The following CASD1 variants were observed in gnomAD, a reference collection of about 807,000 sequenced individuals.
The protein encoded by CASD1 is N-acetylneuraminate (7)9-O-acetyltransferase.
Under a neutral mutation model 100.0 loss-of-function variants are expected in CASD1, and 41 were observed. The observed-to-expected ratio is 0.41, with a 90% confidence interval of 0.32 to 0.53. CASD1 has a LOEUF of 0.53. Ranked by LOEUF, CASD1 falls within the 20% of genes least tolerant of loss-of-function variation. The pLI is 0.25. For synonymous variants in CASD1, 321 were observed against 315.6 expected, an observed-to-expected ratio of 1.02 and a Z score of -0.18; for missense variants, 774 against 948.7, an observed-to-expected ratio of 0.82 and a Z score of 2.42.
At chr7:94,571,373 A>G in the CASD1 span, among the ~76,000 whole-genome samples, 3 of 152,198 alleles carry the variant, frequency 2.0e-5, no homozygotes, top group Non-Finnish European at 1.5e-5. Context: ...TTTGAAGGAC[A>G]GTTTTGCCAG....
At chr7:94,532,521 TTATC>T (rs1794900278) in intron 5 of CASD1, among the ~76,000 whole-genome samples, 1 of 152,144 alleles carries the variant, frequency 6.6e-6, no homozygotes, top group Non-Finnish European at 1.5e-5. Flanking sequence ...GCATGAGACT[TTATC>T]ATGTTACTCA....
the CASD1 span, among the ~76,000 whole-genome samples, chr7:94,630,416 T>C: frequency 6.6e-6 from 1 of 151,872 alleles, no homozygotes; most frequent in African/African-American, 2.4e-5. Context: ...CTCGCATCTC[T>C]TGTAGAAATG....
chr7:94,602,995 A>G, the CASD1 span, among the ~76,000 whole-genome samples: 1 of 152,206 alleles, frequency 6.6e-6, no homozygotes, highest in Non-Finnish European at 1.5e-5. Context: ...TACTAACTCC[A>G]CTATCTGTGC....
At chr7:94,620,903 C>G in the CASD1 span, 72 of 152,362 alleles carry the variant, frequency 4.7e-4, no homozygotes, top group African/African-American at 1.7e-3. Flanking sequence ...CTTTCTAACT[C>G]TGGGGAAATC....
intron 16 of CASD1, chr7:94,554,101 G>A (rs1482357861): frequency 6.4e-6 from 1 of 155,518 alleles, no homozygotes; most frequent in African/African-American, 2.4e-5. Context: ...GGGAATGACT[G>A]TCAACCAAGC....
the CASD1 span, among the ~76,000 whole-genome samples, chr7:94,614,244 T>C: frequency 9.2e-5 from 14 of 152,158 alleles, no homozygotes; most frequent in Non-Finnish European, 1.8e-4. Flanking sequence ...TGTGTTCATG[T>C]TCCTCTTGTT....
chr7:94,623,072 G>C, the CASD1 span, among the ~76,000 whole-genome samples: 1 of 152,042 alleles, frequency 6.6e-6, no homozygotes, highest in African/African-American at 2.4e-5. Context: ...CCCATTTTAA[G>C]GTAATGAAAA....
rs114837109 is a variant in CASD1 at position 94,522,231 on chromosome 7, T to C, written c.351+3908T>C. Among the ~76,000 whole-genome samples the C allele has an allele frequency of 3.0e-3, 453 of 152,158 alleles. 3 individuals are homozygous for C. Among genetic ancestry groups the C allele is most frequent in the African/African-American group, 0.01 (422 of 41,516 alleles). On this transcript the variant is annotated intron_variant, in intron 3 of 17. Coordinates refer to ENST00000297273, the MANE Select transcript of CASD1 (RefSeq NM_022900.5). ...AGACATATTTAAAATAAGAAGGACATGGAAAGGTTTTAATTAAAAATGAAA... is the reference window on the plus strand; with the variant it reads ...AGACATATTTAAAATAAGAAGGACACGGAAAGGTTTTAATTAAAAATGAAA...
At chr7:94,514,885 C>G (rs191579509) in intron 1 of CASD1, among the ~76,000 whole-genome samples, 1 of 152,056 alleles carries the variant, frequency 6.6e-6, no homozygotes. Flanking sequence ...TTGAAAATAA[C>G]AACCGAAGTT....
intron 2 of CASD1, 113 bp from the exon 3 acceptor site, chr7:94,518,090 A>G (rs1272060601): frequency 5.8e-6 from 6 of 1,041,036 alleles, no homozygotes; most frequent in African/African-American, 1.6e-5. Flanking sequence ...TTATAAAGCA[A>G]TATAATGGTA....
intron 10 of CASD1, among the ~76,000 whole-genome samples, chr7:94,541,537 GTTTTTTTTTTTT>G (rs56786123): frequency 6.7e-5 from 4 of 60,116 alleles, no homozygotes; most frequent in East Asian, 1.1e-3. Context: ...TGTTCCACTG[GTTTTTTTTTTTT>G]TTTTTTTTTT....
chr7:94,628,407 A>G, the CASD1 span: 2 of 1,488,830 alleles, frequency 1.3e-6, no homozygotes, highest in East Asian at 2.3e-5. Context: ...ATTTTCACAC[A>G]TGTTGCTTTG....
chr7:94,615,298 G>A, the CASD1 span, among the ~76,000 whole-genome samples: 2 of 152,108 alleles, frequency 1.3e-5, no homozygotes, highest in African/African-American at 4.8e-5. Context: ...GGCAGAGGTT[G>A]CTGTGAGTCG....
In CASD1 at chr7:94,547,194, G is replaced by T; in HGVS notation, c.1713+19G>T. On this transcript the variant is annotated intron_variant, in intron 13 of 17. Coordinates refer to ENST00000297273, the MANE Select transcript of CASD1 (RefSeq NM_022900.5). ...TTCTCAGGTTTGTACAATCTTTTCA[G>T]TTTATATTTTTTCATATTTTATTTT... The T allele has an allele frequency of 2.7e-6, 4 of 1,492,430 alleles. No individual in the cohort carries two copies. Among genetic ancestry groups the T allele is most frequent in the Non-Finnish European group, 2.7e-6 (3 of 1,108,618 alleles). The allele number at this position is 1,492,430 out of a possible 1,614,324, so 92.4% of individuals were successfully genotyped here.
the CASD1 span, among the ~76,000 whole-genome samples, chr7:94,597,043 A>G: frequency 8.7e-3 from 1,331 of 152,228 alleles, 15 homozygotes; most frequent in Middle Eastern, 0.01. Flanking sequence ...TCTCATCAGT[A>G]TCTAATCCCG....
intron 10 of CASD1, among the ~76,000 whole-genome samples, chr7:94,541,916 CCAGCATA>C (rs1795423355): frequency 6.6e-6 from 1 of 151,942 alleles, no homozygotes; most frequent in Non-Finnish European, 1.5e-5. Context: ...TTTAAAAGGT[CCAGCATA>C]CAGCATATAG....
chr7:94,563,056 C>T, the CASD1 span, among the ~76,000 whole-genome samples: 1 of 152,156 alleles, frequency 6.6e-6, no homozygotes, highest in Non-Finnish European at 1.5e-5. Flanking sequence ...CCCTATCTTA[C>T]ATACAAAGGC....
At chr7:94,609,191 C>CA in the CASD1 span, among the ~76,000 whole-genome samples, 4 of 152,214 alleles carry the variant, frequency 2.6e-5, no homozygotes, top group East Asian at 1.9e-4. Context: ...CCAAAATATA[C>CA]AAAAAACACT....
At chr7:94,567,586 C>T in the CASD1 span, among the ~76,000 whole-genome samples, 1 of 152,134 alleles carries the variant, frequency 6.6e-6, no homozygotes, top group Middle Eastern at 3.2e-3. Flanking sequence ...CCCTGTCTCT[C>T]AACATTGTGG....
Sources: gnomAD v4.1 joint callset for allele counts (sites outside exome capture counted in the v4.1 genomes callset) on GRCh38, gnomAD v4.1.1 for gene constraint, MANE v1.5 for transcripts, NCBI Gene and HGNC (gene_info 2026-07-23, HGNC 2026-07-21) for gene names.